The following IQCB1 variants were observed in gnomAD, a reference collection of about 807,000 sequenced individuals.
The protein encoded by IQCB1 is IQ calmodulin-binding motif-containing protein 1.
Under a neutral mutation model 84.4 loss-of-function variants are expected in IQCB1, and 56 were observed. The observed-to-expected ratio is 0.66, with a 90% confidence interval of 0.54 to 0.83. The LOEUF (loss-of-function observed/expected upper bound fraction) is 0.83, where lower values mean the gene tolerates loss of function less well. IQCB1 is among the 40% of genes least tolerant of loss of function. The pLI, the probability that IQCB1 is intolerant of heterozygous loss-of-function variation, is 0.00. For missense variants in IQCB1, 629 were observed against 682.1 expected (o/e 0.92, Z 0.87); for synonymous variants, 210 against 234.8 (o/e 0.89, Z 0.96).
At chr3:121,795,678 A>C (rs1949159626) in intron 9 of IQCB1, 112 bp from the exon 10 acceptor site, 2 of 698,726 alleles carry the variant, frequency 2.9e-6, no homozygotes, top group African/African-American at 3.6e-5. Flanking sequence ...TAGCTCTAAC[A>C]AGATGGGTAA....
intron 12 of IQCB1, among the ~76,000 whole-genome samples, chr3:121,783,580 T>C (rs959073256): frequency 1.1e-4 from 16 of 152,234 alleles, no homozygotes; most frequent in Admixed American, 5.9e-4. Flanking sequence ...TACTACCGAT[T>C]ATATTTTACA....
At chr3:121,786,170 C>CAAAAGAAAAGAAAAGAAAAGAAAAG (rs778485380) in intron 12 of IQCB1, among the ~76,000 whole-genome samples, 7,100 of 72,774 alleles carry the variant, frequency 0.098, 825 homozygotes, top group Non-Finnish European at 0.13. Context: ...GATTCTGTCT[C>CAAAAGAAAAGAAAAGAAAAGAAAAG]AAAAGAAAAG....
At chr3:121,819,732 G>A (rs1461137154) in intron 5 of IQCB1, among the ~76,000 whole-genome samples, 2 of 152,078 alleles carry the variant, frequency 1.3e-5, no homozygotes, top group Non-Finnish European at 2.9e-5. Context: ...TTACTCATGA[G>A]TAATCTAACT....
rs528442830 is a variant in IQCB1 at position 121,828,806 on chromosome 3, C to T, written c.100+55G>A. 4.4e-5 allele frequency: 51 copies of T among 1,166,284 alleles called. No individual in the cohort carries two copies. In the South Asian group the frequency reaches 4.9e-4, roughly 11 times the overall value. 72.2% of individuals were successfully genotyped at this position (1,166,284 alleles called of 1,614,324 possible). On this transcript the variant is annotated intron_variant, in intron 3 of 14. Transcript: ENST00000310864. Reference sequence around the variant, plus strand: ...AAAAGAAATGTTAAAATTGTACCAACGATGGAACCATTTTTCACTTAAAAT... The same window carrying T: ...AAAAGAAATGTTAAAATTGTACCAATGATGGAACCATTTTTCACTTAAAAT...
intron 5 of IQCB1, among the ~76,000 whole-genome samples, chr3:121,824,324 C>T (rs1950382251): frequency 6.6e-6 from 1 of 152,120 alleles, no homozygotes; most frequent in South Asian, 2.1e-4. Flanking sequence ...AGGGGTGCTT[C>T]ACATCCTGGG....
In IQCB1 at chr3:121,798,083, T is replaced by C. The variant is rs1358110530; in HGVS notation, c.767-856A>G. 2.0e-5 allele frequency among the ~76,000 whole-genome samples: 3 copies of C among 152,106 alleles called. No individual in the cohort carries two copies. The East Asian group carries it at 5.8e-4, about 29-fold the overall frequency. ...GAAGGATTCAGGTAAAATTCCTTTA[T>C]AACGACTCTGTTGGACATTCACATT... On this transcript the variant is annotated intron_variant, in intron 8 of 14. Coordinates refer to ENST00000310864, the MANE Select transcript of IQCB1 (RefSeq NM_001023570.4).
chr3:121,808,827 A>T, intron 6 of IQCB1, 89 bp downstream of exon 6: 1 of 779,096 alleles, frequency 1.3e-6, no homozygotes, highest in Non-Finnish European at 2.3e-6. Flanking sequence ...TGCACAGTTC[A>T]TGTGGCATTT....
chr3:121,800,625 C>T (rs939954066), intron 7 of IQCB1, among the ~76,000 whole-genome samples: 19 of 152,040 alleles, frequency 1.2e-4, no homozygotes, highest in South Asian at 2.1e-4. Flanking sequence ...AAAATATGCT[C>T]ATCTCAGAAA....
chr3:121,815,250 G>A (rs1158811349), intron 5 of IQCB1, among the ~76,000 whole-genome samples: 2 of 152,116 alleles, frequency 1.3e-5, no homozygotes, highest in Non-Finnish European at 2.9e-5. Flanking sequence ...AGGTATCGAT[G>A]GAACATATCT....
chr3:121,817,304 T>C (rs191992986), intron 5 of IQCB1, among the ~76,000 whole-genome samples: 1 of 152,156 alleles, frequency 6.6e-6, no homozygotes, highest in Non-Finnish European at 1.5e-5. Context: ...AAATACCTAA[T>C]GCATGCAGGG....
chr3:121,819,663 CTTGTT>C (rs955369074), intron 5 of IQCB1, among the ~76,000 whole-genome samples: 27 of 152,062 alleles, frequency 1.8e-4, no homozygotes, highest in Admixed American at 9.8e-4. Context: ...CTTTATTAGT[CTTGTT>C]TTAAGAGAAT....
Position 121,771,163 on chromosome 3 carries a change from C to T in IQCB1, c.1568-589G>A, listed in dbSNP as rs188096665. ...ATTTTGTATTTTTAGTAGAGACGGG[C>T]GTTTCACCATGTTGGTCAGGCTGGT... On this transcript the variant is annotated intron_variant, in intron 14 of 14. Transcript: ENST00000310864. Among the ~76,000 whole-genome samples, 23 of 147,554 alleles carry T rather than the reference C, an allele frequency of 1.6e-4. No individual in the cohort carries two copies. The East Asian group carries it at 4.5e-3, about 29-fold the overall frequency.
At chr3:121,811,571 T>C (rs1949831632) in intron 5 of IQCB1, among the ~76,000 whole-genome samples, 2 of 152,100 alleles carry the variant, frequency 1.3e-5, no homozygotes, top group Non-Finnish European at 2.9e-5. Flanking sequence ...CTGGGACAAC[T>C]GAGCTTGGTG....
chr3:121,798,942 C>A (rs1158775913), intron 8 of IQCB1, among the ~76,000 whole-genome samples: 1 of 151,914 alleles, frequency 6.6e-6, no homozygotes, highest in East Asian at 1.9e-4. Flanking sequence ...ACACACAAAA[C>A]CTTTTTGTCA....
intron 2 of IQCB1, among the ~76,000 whole-genome samples, chr3:121,829,501 C>T (rs937478517): frequency 2.0e-5 from 3 of 152,160 alleles, no homozygotes; most frequent in Admixed American, 2.0e-4. Flanking sequence ...TGCTGAATAC[C>T]CGCCTTCCTT....
At chr3:121,814,960 A>C (rs1486170766) in intron 5 of IQCB1, among the ~76,000 whole-genome samples, 1 of 152,184 alleles carries the variant, frequency 6.6e-6, no homozygotes, top group Non-Finnish European at 1.5e-5. Context: ...ACCACAAAAA[A>C]AGAAAATTTC....
intron 9 of IQCB1, among the ~76,000 whole-genome samples, chr3:121,796,243 C>T (rs1027899031): frequency 6.6e-6 from 1 of 152,086 alleles, no homozygotes; most frequent in Non-Finnish European, 1.5e-5. Context: ...TTCTTCTGCA[C>T]TCTTCCTTCC....
rs1403759372 is a variant in IQCB1 at position 121,772,554 on chromosome 3, T to C, written c.1567+3A>G. 28 of 1,614,072 alleles carry C rather than the reference T, an allele frequency of 1.7e-5. No individual in the cohort carries two copies. Among genetic ancestry groups the C allele is most frequent in the African/African-American group, 2.7e-5 (2 of 74,952 alleles). Reference sequence around the variant, plus strand: ...AGAGAACGAAAGTAAAATGAGCACATACTCATTAGCTGTTCAACGTTGGTG... The same window carrying C: ...AGAGAACGAAAGTAAAATGAGCACACACTCATTAGCTGTTCAACGTTGGTG... On this transcript the variant is annotated splice_donor_region_variant and intron_variant, in intron 14 of 14. Transcript: ENST00000310864.
At chr3:121,828,733 GA>G in intron 3 of IQCB1, 101 bp from the exon 4 acceptor site, 1 of 1,028,092 alleles carries the variant, frequency 9.7e-7, no homozygotes, top group Non-Finnish European at 1.5e-6. Context: ...ATATTAGAAG[GA>G]AAAATTACTG....
Sources: gnomAD v4.1 joint callset for allele counts (sites outside exome capture counted in the v4.1 genomes callset) on GRCh38, gnomAD v4.1.1 for gene constraint, MANE v1.5 for transcripts, NCBI Gene and HGNC (gene_info 2026-07-23, HGNC 2026-07-21) for gene names.